The following THRA variants were observed in gnomAD, a reference collection of about 807,000 sequenced individuals.
THRA encodes thyroid hormone receptor alpha.
THRA carries 13 observed loss-of-function variants against 45.0 expected under a neutral mutation model. That is an observed-to-expected ratio of 0.29 (90% CI 0.19 to 0.46). The LOEUF is 0.46. THRA is among the 20% of genes least tolerant of loss of function. The pLI, the probability that THRA is intolerant of heterozygous loss-of-function variation, is 1.00. For synonymous variants in THRA, 195 were observed against 214.0 expected, an observed-to-expected ratio of 0.91 and a Z score of 0.78; for missense variants, 278 against 556.1, an observed-to-expected ratio of 0.50 and a Z score of 5.03.
At position 40,086,668 on chromosome 17, in the gene THRA, G is replaced by C. The variant is rs775821047; in HGVS notation, c.577-39G>C. The C allele has an allele frequency of 1.2e-5, 20 of 1,602,184 alleles. No homozygotes were observed. The East Asian group carries it at 4.3e-4, about 34-fold the overall frequency. Reference sequence around the variant, plus strand: ...GGGAGCCTCAGTGAGAGGCTGAAAGGGGTCTGCGGCCCCAGCTGACCCCCG... The same window carrying C: ...GGGAGCCTCAGTGAGAGGCTGAAAGCGGTCTGCGGCCCCAGCTGACCCCCG... On this transcript the variant is annotated intron_variant, in intron 6 of 8. Transcript: ENST00000450525.
chr17:40,082,828 G>A (rs1176768925), intron 4 of THRA, among the ~76,000 whole-genome samples: 3 of 139,278 alleles, frequency 2.2e-5, no homozygotes, highest in Non-Finnish European at 3.1e-5. Flanking sequence ...ATGCAGTGGC[G>A]CGATCTTGGC....
At position 40,089,235 on chromosome 17, in the gene THRA, A is replaced by G; in HGVS notation, c.1012A>G (p.Ile338Val). Residue 338 changes from isoleucine to valine, a missense_variant, in exon 9 of 9, where the codon ATC becomes GTC. Physicochemically the swap from Ile to Val is conservative, Grantham distance 29. Transcript: ENST00000450525. The surrounding 1 kb of genome is among the most constrained non-coding windows in gnomAD (Gnocchi z 6.1). The part of the protein sequence containing the change: ...DRSGLLCVDK[I>V]EKSQEAYLLA... Reference sequence around the variant, plus strand: ...CTCGGGCCTGCTGTGTGTGGACAAGATCGAGAAGAGTCAGGAGGCGTACCT... The same window carrying G: ...CTCGGGCCTGCTGTGTGTGGACAAGGTCGAGAAGAGTCAGGAGGCGTACCT... The G allele has an allele frequency of 6.2e-7, 1 of 1,613,892 alleles. No individual in the cohort carries two copies. The highest frequency in any genetic ancestry group is 8.5e-7 in the Non-Finnish European group (1 of 1,179,970).
At chr17:40,078,848 C>T (rs1987042454) in intron 4 of THRA, among the ~76,000 whole-genome samples, 1 of 149,642 alleles carries the variant, frequency 6.7e-6, no homozygotes, top group Admixed American at 6.8e-5. Flanking sequence ...TCTCCTGCTT[C>T]AGCCTCCTGA....
chr17:40,079,133 G>A (rs895281673), intron 4 of THRA, among the ~76,000 whole-genome samples: 11 of 152,166 alleles, frequency 7.2e-5, no homozygotes, highest in African/African-American at 2.7e-4. Flanking sequence ...ACCTGAAAGA[G>A]CGAGAGCCAG....
chr17:40,084,321 A>G (rs1567653876), intron 5 of THRA: 1 of 509,456 alleles, frequency 2.0e-6, no homozygotes, highest in Non-Finnish European at 3.5e-6. Flanking sequence ...GGCATCTTCC[A>G]TTGGCTGGGG....
chr17:40,085,358 C>T (rs1161145766), intron 6 of THRA, among the ~76,000 whole-genome samples: 6 of 151,176 alleles, frequency 4.0e-5, no homozygotes, highest in African/African-American at 4.9e-5. Flanking sequence ...TTTTTTGATA[C>T]GGAGTCTCAC....
intron 1 of THRA, among the ~76,000 whole-genome samples, chr17:40,066,115 T>TA (rs1352860591): frequency 6.6e-6 from 1 of 152,110 alleles, no homozygotes; most frequent in African/African-American, 2.4e-5. Context: ...CTAGACTAAG[T>TA]ATGTACTAAG....
chr17:40,065,481 CT>C lies in THRA; in HGVS notation c.-298+2390del, dbSNP rs113520520. On this transcript the variant is annotated intron_variant, in intron 1 of 8. Coordinates refer to ENST00000450525, the MANE Select transcript of THRA (RefSeq NM_199334.5). ...TTGCTCTGTCTTGCAGTGTCTGATT[CT>C]CCCTCTCTCTCTCCTTGTTTCTCTG... Among the ~76,000 whole-genome samples, 319 of 152,242 alleles carry C rather than the reference CT, an allele frequency of 2.1e-3. 2 individuals carry two copies. The highest frequency in any genetic ancestry group is 7.3e-3 in the African/African-American group (304 of 41,538).
At chr17:40,077,669 C>A in intron 4 of THRA, 61 bp downstream of exon 4, 1 of 1,332,606 alleles carries the variant, frequency 7.5e-7, no homozygotes, top group Non-Finnish European at 1.1e-6. Context: ...CTCCCTATGT[C>A]ACCTAAAGCC....
At chr17:40,093,563 T>G (rs918581757), downstream of THRA, 41 of 996,814 alleles carry the variant, frequency 4.1e-5, no homozygotes, top group Admixed American at 1.1e-3. This position sits in a 1 kb window ranked among gnomAD's most constrained non-coding sequence, Gnocchi z 5.9. Context: ...CTCCCTTGCT[T>G]TTTGCTGTGT....
chr17:40,089,567 G>A lies in THRA; in HGVS notation c.*111G>A, dbSNP rs757674823. ...CCACACCCCTTCTCTCCTTCCTCTC[G>A]TCCTTGGATAGATTCAGCTCCCACA... On this transcript the variant is annotated 3_prime_UTR_variant, in exon 9 of 9. Coordinates refer to ENST00000450525, the MANE Select transcript of THRA (RefSeq NM_199334.5). The surrounding 1 kb of genome is among the most constrained non-coding windows in gnomAD (Gnocchi z 6.1). The A allele has an allele frequency of 9.1e-5, 134 of 1,475,640 alleles. No homozygotes were observed. Among genetic ancestry groups the A allele is most frequent in the Non-Finnish European group, 1.0e-4 (116 of 1,117,378 alleles). 91.4% of individuals were successfully genotyped at this position (1,475,640 alleles called of 1,614,324 possible).
chr17:40,066,990 G>A (rs1035480720), intron 1 of THRA, among the ~76,000 whole-genome samples: 4 of 152,230 alleles, frequency 2.6e-5, no homozygotes, highest in Admixed American at 1.3e-4. Flanking sequence ...GAAGGAAGCT[G>A]TGGGCCTGGG....
chr17:40,088,748 C>T (rs565987987), intron 8 of THRA, among the ~76,000 whole-genome samples: 104 of 152,090 alleles, frequency 6.8e-4, no homozygotes, highest in African/African-American at 2.3e-3. Context: ...TCTCGCTGCC[C>T]TGTCCCTCTG....
At chr17:40,078,333 T>C (rs1987021887) in intron 4 of THRA, among the ~76,000 whole-genome samples, 1 of 152,006 alleles carries the variant, frequency 6.6e-6, no homozygotes, top group Non-Finnish European at 1.5e-5. Context: ...ATTAAAGAAA[T>C]TAGCTGGGTG....
Position 40,088,239 on chromosome 17 carries a change from C to T in THRA, c.724-3C>T, listed in dbSNP as rs374124723. ...GTGCTCCTGTGGCCCTGCCGCTCCACAGCTGCCTTGCGAAGACCAGATCAT... is the reference window on the plus strand; with the variant it reads ...GTGCTCCTGTGGCCCTGCCGCTCCATAGCTGCCTTGCGAAGACCAGATCAT... On this transcript the variant is annotated splice_region_variant and splice_polypyrimidine_tract_variant and intron_variant, in intron 7 of 8. Coordinates refer to ENST00000450525, the MANE Select transcript of THRA (RefSeq NM_199334.5). The T allele has an allele frequency of 2.0e-4, 322 of 1,578,920 alleles. No individual in the cohort carries two copies. The highest frequency in any genetic ancestry group is 2.4e-4 in the Non-Finnish European group (278 of 1,159,680).
chr17:40,074,705 G>A (rs1382144607), intron 2 of THRA, among the ~76,000 whole-genome samples, 164 bp downstream of exon 2: 1 of 152,238 alleles, frequency 6.6e-6, no homozygotes, highest in Non-Finnish European at 1.5e-5. Flanking sequence ...ATGTTCAGAT[G>A]TGACAGGCAC....
At chr17:40,071,722 T>A (rs1188309806) in intron 1 of THRA, among the ~76,000 whole-genome samples, 1 of 152,180 alleles carries the variant, frequency 6.6e-6, no homozygotes, top group Non-Finnish European at 1.5e-5. Flanking sequence ...TCAGGGTGGG[T>A]ACCCCTGCCC....
downstream of THRA, chr17:40,093,233 C>T (rs200846868): frequency 2.4e-5 from 39 of 1,613,566 alleles, no homozygotes; most frequent in Middle Eastern, 1.6e-4. The surrounding 1 kb of genome is among the most constrained non-coding windows in gnomAD (Gnocchi z 5.9). Context: ...CCCGCAGCAG[C>T]GTCTCCTGGA....
Position 40,092,848 on chromosome 17 carries a change from G to A in THRA, c.*3392G>A. 1.1e-6 allele frequency: 1 copy of A among 918,778 alleles called. No individual in the cohort carries two copies. Among genetic ancestry groups the A allele is most frequent in the Non-Finnish European group, 1.6e-6 (1 of 626,312 alleles). The allele number at this position is 918,778 out of a possible 1,614,324, so 56.9% of individuals were successfully genotyped here. The stretch of plus-strand genomic sequence containing the variant: ...AACAGAACAAATCAGAGGGCCAGGG[G>A]AGGGTTGTGGGGGAGACAGAGTGGT... On this transcript the variant is annotated 3_prime_UTR_variant, in exon 9 of 9. Transcript: ENST00000450525.
Sources: allele counts gnomAD v4.1 joint callset (sites outside exome capture counted in the v4.1 genomes callset), GRCh38; gene constraint gnomAD v4.1.1; non-coding constraint Gnocchi (gnomAD v3.1); transcripts MANE v1.5; gene names NCBI Gene and HGNC (gene_info 2026-07-23, HGNC 2026-07-21).